UAP1: variants seen among roughly 807,000 people sequenced by gnomAD.
UAP1 encodes the protein UDP-N-acetylglucosamine pyrophosphorylase 1.
In UAP1, 25 loss-of-function variants were observed where a neutral mutation model predicts 58.5. That is an observed-to-expected ratio of 0.43 (90% CI 0.31 to 0.60). The LOEUF (loss-of-function observed/expected upper bound fraction) is 0.60. UAP1 is among the 20% of genes least tolerant of loss of function. The pLI, the probability that UAP1 is intolerant of heterozygous loss-of-function variation, is 0.11. For missense variants in UAP1, 575 were observed against 630.0 expected (o/e 0.91, Z 0.93); for synonymous variants, 208 against 213.0 (o/e 0.98, Z 0.21).
chr1:162,592,635 A>G (rs924863450), intron 8 of UAP1, 97 bp from the exon 9 acceptor site: 16 of 926,604 alleles, frequency 1.7e-5, no homozygotes, highest in Non-Finnish European at 2.1e-5. Flanking sequence ...TTTACCATAA[A>G]TACATACCAT....
At chr1:162,587,367 A>T in intron 5 of UAP1, 108 bp from the exon 6 acceptor site, 1 of 1,001,780 alleles carries the variant, frequency 1.0e-6, no homozygotes, top group Non-Finnish European at 1.5e-6. Context: ...TCTTGGCTTT[A>T]TACCTTTTAG....
chr1:162,589,140 ATTTATATAATATATATT>A lies in UAP1; in HGVS notation c.1169+308_1169+324del, dbSNP rs1159294374. ...TATATTTTATATATATAATTTATAT[ATTTATATAATATATATT>A]ATATATAATATATAAATATTATATA... On this transcript the variant is annotated intron_variant, in intron 7 of 10. Transcript: ENST00000271469. Among the ~76,000 whole-genome samples the A allele has an allele frequency of 2.5e-3, 257 of 104,558 alleles. 6 individuals are homozygous for A. The East Asian group carries it at 0.05, about 21-fold the overall frequency. The allele number at this position is 104,558 out of a possible 152,430, so 68.6% of individuals were successfully genotyped here.
At chr1:162,563,107 A>G (rs974471182) in intron 1 of UAP1, among the ~76,000 whole-genome samples, 1 of 152,204 alleles carries the variant, frequency 6.6e-6, no homozygotes, top group African/African-American at 2.4e-5. Flanking sequence ...ATAAAAATCC[A>G]TATCTTTTAA....
chr1:162,583,838 C>T (rs1654749502), intron 5 of UAP1, among the ~76,000 whole-genome samples: 1 of 152,046 alleles, frequency 6.6e-6, no homozygotes, highest in Non-Finnish European at 1.5e-5. Flanking sequence ...CAGGGTTTCA[C>T]TGTGTTGCCT....
chr1:162,562,802 TCTCAA>T (rs1195351161), intron 1 of UAP1, among the ~76,000 whole-genome samples: 2 of 152,154 alleles, frequency 1.3e-5, no homozygotes, highest in African/African-American at 4.8e-5. Context: ...GGTGGTTATG[TCTCAA>T]CTCTGATACT....
intron 2 of UAP1, among the ~76,000 whole-genome samples, chr1:162,569,258 C>G (rs1304802087): frequency 1.3e-5 from 2 of 152,130 alleles, no homozygotes; most frequent in Non-Finnish European, 2.9e-5. Context: ...TTTTACTTCC[C>G]CACACCCCCA....
chr1:162,582,794 A>G (rs552128167), intron 5 of UAP1, among the ~76,000 whole-genome samples: 1 of 152,332 alleles, frequency 6.6e-6, no homozygotes, highest in South Asian at 2.1e-4. Flanking sequence ...TATTTCTCTC[A>G]AAGTTAATCT....
chr1:162,587,985 C>T (rs1264843358), intron 6 of UAP1: 3 of 204,840 alleles, frequency 1.5e-5, no homozygotes, highest in Non-Finnish European at 2.9e-5. Context: ...TTTACCACAG[C>T]TGTGAGCTTT....
chr1:162,600,337 A>G (rs1008775012), downstream of UAP1, among the ~76,000 whole-genome samples: 5 of 152,078 alleles, frequency 3.3e-5, no homozygotes, highest in Non-Finnish European at 7.4e-5. Flanking sequence ...GTTTTTTGTT[A>G]TTGTTGTTGT....
At chr1:162,598,008 A>G (rs1655709791) in intron 10 of UAP1, 150 bp downstream of exon 10, 2 of 659,262 alleles carry the variant, frequency 3.0e-6, no homozygotes, top group East Asian at 2.7e-5. Flanking sequence ...TGATTATTCG[A>G]CAGTGTATAT....
chr1:162,578,032 G>T (rs952780897), intron 3 of UAP1, among the ~76,000 whole-genome samples: 3 of 152,002 alleles, frequency 2.0e-5, no homozygotes, highest in Admixed American at 6.6e-5. Context: ...TGTCCAGCCA[G>T]TGTTAGTTTC....
chr1:162,581,445 G>C (rs1035407632), exon 5 of UAP1: 18 of 1,613,792 alleles, frequency 1.1e-5, no homozygotes, highest in Non-Finnish European at 1.5e-5. Context: ...GAAAGGAGCA[G>C]ACTGTGGAGC....
At chr1:162,598,964 A>G (rs1164925890) in intron 10 of UAP1, among the ~76,000 whole-genome samples, 3 of 152,026 alleles carry the variant, frequency 2.0e-5, no homozygotes, top group Non-Finnish European at 4.4e-5. Flanking sequence ...TGCAGTGAGC[A>G]TAGGGGTGAG....
chr1:162,573,128 A>T (rs1424352004), intron 2 of UAP1, among the ~76,000 whole-genome samples: 2 of 152,176 alleles, frequency 1.3e-5, no homozygotes, highest in African/African-American at 4.8e-5. Flanking sequence ...AGTTTTTGTT[A>T]TATAGTGGTT....
intron 2 of UAP1, among the ~76,000 whole-genome samples, chr1:162,574,560 A>G (rs770876687): frequency 3.3e-5 from 5 of 152,258 alleles, no homozygotes; most frequent in African/African-American, 9.6e-5. Context: ...GGCTTAGCCT[A>G]TAATTGTGGC....
At chr1:162,591,329 T>TA (rs1166302944) in intron 8 of UAP1, among the ~76,000 whole-genome samples, 3 of 152,198 alleles carry the variant, frequency 2.0e-5, no homozygotes, top group Non-Finnish European at 4.4e-5. Flanking sequence ...ACTGTAGCAC[T>TA]TTCAGGTCAC....
rs76237984 is a variant in UAP1, at chr1:162,582,736, A to C, written c.834+1277A>C. Reference sequence around the variant, plus strand: ...TCTGACAAAAACAAATTCGATTTCAAATTATTTTGAAATATCTGTATTTAA... The same window carrying C: ...TCTGACAAAAACAAATTCGATTTCACATTATTTTGAAATATCTGTATTTAA... On this transcript the variant is annotated intron_variant, in intron 5 of 10. Transcript: ENST00000271469. Among the ~76,000 whole-genome samples, 304 of 152,356 alleles carry C rather than the reference A, an allele frequency of 2.0e-3. 5 individuals are homozygous for C. The East Asian group carries it at 0.049, about 25-fold the overall frequency.
At chr1:162,598,504 A>G (rs1156946237) in intron 10 of UAP1, among the ~76,000 whole-genome samples, 1 of 152,236 alleles carries the variant, frequency 6.6e-6, no homozygotes, top group Non-Finnish European at 1.5e-5. Context: ...TTTGAAAAAT[A>G]TATAATCAGC....
chr1:162,563,459 G>T (rs894154710), intron 1 of UAP1, among the ~76,000 whole-genome samples: 2 of 151,906 alleles, frequency 1.3e-5, no homozygotes, highest in Admixed American at 6.6e-5. Context: ...CCGCCTCCCC[G>T]GTTCAGGCGA....
Sources: gnomAD v4.1 joint callset for allele counts (sites outside exome capture counted in the v4.1 genomes callset) on GRCh38, gnomAD v4.1.1 for gene constraint, MANE v1.5 for transcripts, NCBI Gene and HGNC (gene_info 2026-07-23, HGNC 2026-07-21) for gene names.